The following TM6SF1 variants were observed in gnomAD, a reference collection of about 807,000 sequenced individuals.
TM6SF1 encodes transmembrane 6 superfamily member 1.
Under a neutral mutation model 47.1 loss-of-function variants are expected in TM6SF1, and 43 were observed. The observed-to-expected ratio is 0.91, with a 90% CI of 0.72 to 1.18. The LOEUF is 1.18. TM6SF1 is among the 50% of genes most tolerant of loss of function. TM6SF1 has a pLI of 0.00. For missense variants in TM6SF1, 390 were observed against 449.0 expected (o/e 0.87, Z 1.19); for synonymous variants, 177 against 166.3 (o/e 1.06, Z -0.49).
intron 6 of TM6SF1, 86 bp from the exon 7 acceptor site, chr15:83,124,586 T>A: frequency 9.9e-7 from 1 of 1,012,364 alleles, no homozygotes; most frequent in Middle Eastern, 2.1e-4. Flanking sequence ...AATTCTCTTA[T>A]CCATCATCAT....
In TM6SF1 at chr15:83,120,122, C is replaced by G. The variant is rs140701382; in HGVS notation, c.398+441C>G. On this transcript the variant is annotated intron_variant, in intron 4 of 9. Coordinates refer to ENST00000322019, the MANE Select transcript of TM6SF1 (RefSeq NM_023003.5). ...GCTTGTCCGTTCACTCCTCCTGTCT[C>G]ACTCTGCGGCTGGCCCCTTGGCAGT... is the stretch of plus-strand genomic sequence containing the variant. 3.0e-4 allele frequency: 52 copies of G among 173,886 alleles called. No individual in the cohort carries two copies. The East Asian group carries it at 6.5e-3, about 22-fold the overall frequency. The allele number at this position is 173,886 out of a possible 1,614,324, so 10.8% of individuals were successfully genotyped here.
intron 3 of TM6SF1, 40 bp downstream of exon 3, chr15:83,115,982 G>C (rs780168037): frequency 6.8e-7 from 1 of 1,463,252 alleles, no homozygotes; most frequent in African/African-American, 1.4e-5. Context: ...TCAACCAAAA[G>C]GCCACAACCC....
At chr15:83,122,670 G>A (rs968712547) in intron 5 of TM6SF1, 87 bp from the exon 6 acceptor site, 4 of 1,484,172 alleles carry the variant, frequency 2.7e-6, no homozygotes, top group Non-Finnish European at 3.6e-6. Context: ...CAAAATTTTA[G>A]ATGACCTGAG....
At chr15:83,112,711 G>A in intron 1 of TM6SF1, 86 bp from the exon 2 acceptor site, 1 of 926,092 alleles carries the variant, frequency 1.1e-6, no homozygotes. Context: ...GCAGCACTAG[G>A]AGGGAATGCA....
chr15:83,112,801 T>C lies in TM6SF1; in HGVS notation c.97T>C (p.Trp33Arg). The C allele has an allele frequency of 6.2e-7, 1 of 1,613,730 alleles. No homozygotes were observed. The change falls in exon 2 of 10, where the codon TGG becomes CGG. Residue 33 changes from tryptophan to arginine, a missense_variant. By Grantham distance (101) the Trp-to-Arg change is moderately radical. Coordinates refer to ENST00000322019, the MANE Select transcript of TM6SF1 (RefSeq NM_023003.5). The part of the protein sequence containing the change: ...FNHLAAQHDS[W>R]TIVGVAALIL... The stretch of plus-strand genomic sequence containing the variant: ...TCCCTGTTCTGGTCGTTGCAGTTCC[T>C]GGACTATTGTAGGGGTTGCTGCCCT...
chr15:83,127,731 G>T (rs1196465057), intron 9 of TM6SF1: 2 of 370,948 alleles, frequency 5.4e-6, no homozygotes, highest in Non-Finnish European at 9.8e-6. Context: ...TAAATGATTT[G>T]CCCAAGGTTA....
Position 83,113,313 on chromosome 15 carries a change from C to A in TM6SF1, c.196+413C>A, listed in dbSNP as rs8041022. 5 of 207,360 alleles carry A rather than the reference C, an allele frequency of 2.4e-5. No homozygotes were observed. The Admixed American group carries it at 2.6e-4, about 11-fold the overall frequency. 12.8% of individuals were successfully genotyped at this position (207,360 alleles called of 1,614,324 possible). On this transcript the variant is annotated intron_variant, in intron 2 of 9. Transcript: ENST00000322019. ...ATGCATGAAGAGGAAAATAATGGAA[C>A]CTGCCATAGAGACAAGCACCTATAG...
chr15:83,112,724 C>A, intron 1 of TM6SF1, 73 bp from the exon 2 acceptor site: 1 of 1,087,804 alleles, frequency 9.2e-7, no homozygotes, highest in Non-Finnish European at 1.4e-6. Flanking sequence ...GGAATGCATT[C>A]AATAGTCAGG....
rs78080430 is a variant in TM6SF1, at chr15:83,126,259, A to G, written c.709-496A>G. Among the ~76,000 whole-genome samples the G allele has an allele frequency of 1.1e-4, 17 of 152,284 alleles. No individual in the cohort carries two copies. In the East Asian group the frequency reaches 3.1e-3, roughly 28 times the overall value. On this transcript the variant is annotated intron_variant, in intron 7 of 9. Transcript: ENST00000322019. ...CAGAGGGGACCTAGTAAAGTGCCAAAAAGACTTTCCAGCAAGAGGACCCTG... is the reference window on the plus strand; with the variant it reads ...CAGAGGGGACCTAGTAAAGTGCCAAGAAGACTTTCCAGCAAGAGGACCCTG...
chr15:83,119,916 T>C (rs1306588291), intron 4 of TM6SF1: 4 of 437,502 alleles, frequency 9.1e-6, no homozygotes, highest in Non-Finnish European at 1.2e-5. Context: ...TTAAGCTTTC[T>C]GATTATGTTG....
chr15:83,118,266 TACAG>T lies in TM6SF1; in HGVS notation c.295-1310_295-1307del, dbSNP rs1567138980. Reference sequence around the variant, plus strand: ...ACACACACACACACACACACACACATACAGAGAGAGCAAGAGAGAGAGAGGCAAG... The same window carrying T: ...ACACACACACACACACACACACACATAGAGAGCAAGAGAGAGAGAGGCAAG... On this transcript the variant is annotated intron_variant, in intron 3 of 9. Coordinates refer to ENST00000322019, the MANE Select transcript of TM6SF1 (RefSeq NM_023003.5). Among the ~76,000 whole-genome samples the T allele has an allele frequency of 4.9e-5, 7 of 141,478 alleles. No homozygotes were observed. The South Asian group carries it at 1.4e-3, about 28-fold the overall frequency. 92.8% of individuals were successfully genotyped at this position (141,478 alleles called of 152,430 possible).
chr15:83,125,216 G>A (rs891244100), intron 7 of TM6SF1, among the ~76,000 whole-genome samples: 3 of 152,190 alleles, frequency 2.0e-5, no homozygotes, highest in Non-Finnish European at 4.4e-5. Context: ...CGTGTATGTA[G>A]GGTCATGGGA....
Position 83,112,830 on chromosome 15 carries a change from C to T in TM6SF1, c.126C>T (p.Ile42=), listed in dbSNP as rs1029180357. Residue 42 remains isoleucine, a synonymous_variant, in exon 2 of 10, where the codon ATC becomes ATT. Transcript: ENST00000322019. ...CTATTGTAGGGGTTGCTGCCCTCAT[C>T]CTGTTCCTGGTAGCACTGCTGGCTC... ...SWTIVGVAAL[I]LFLVALLARV... is the part of the protein sequence containing the mutation. 1.2e-6 allele frequency: 2 copies of T among 1,614,040 alleles called. No individual in the cohort carries two copies. The highest frequency in any genetic ancestry group is 1.7e-6 in the Non-Finnish European group (2 of 1,180,010).
chr15:83,108,875 C>T (rs183884731), intron 1 of TM6SF1, among the ~76,000 whole-genome samples: 4 of 152,322 alleles, frequency 2.6e-5, no homozygotes, highest in Admixed American at 2.6e-4. Context: ...CAGTGTCTAC[C>T]CTTGGTCTGG....
chr15:83,131,334 G>GCGCCTGGCC (rs2036231712), intron 9 of TM6SF1: 2 of 151,980 alleles, frequency 1.3e-5, no homozygotes, highest in Admixed American at 1.3e-4. Context: ...GCCAATGGAA[G>GCGCCTGGCC]AAATATTGAG....
chr15:83,122,061 T>C, intron 5 of TM6SF1, 58 bp downstream of exon 5: 1 of 1,320,748 alleles, frequency 7.6e-7, no homozygotes, highest in Non-Finnish European at 1.1e-6. Context: ...GGCTTGTTTT[T>C]AAATAGAGAA....
chr15:83,111,133 A>G (rs1439540276), intron 1 of TM6SF1, among the ~76,000 whole-genome samples: 1 of 152,090 alleles, frequency 6.6e-6, no homozygotes, highest in Non-Finnish European at 1.5e-5. Flanking sequence ...CGACCTCCCA[A>G]AGTGCTTGGA....
At chr15:83,111,471 T>C in intron 1 of TM6SF1, 2 of 216,854 alleles carry the variant, frequency 9.2e-6, no homozygotes, top group Non-Finnish European at 1.6e-5. Context: ...TCATCCATCA[T>C]CCATCCAACC....
intron 9 of TM6SF1, chr15:83,132,908 CA>C (rs2036352668): frequency 6.6e-6 from 1 of 152,170 alleles, no homozygotes; most frequent in Admixed American, 6.5e-5. Context: ...GAGACACTCA[CA>C]GTAAAAAGGT....
Sources: allele counts gnomAD v4.1 joint callset (sites outside exome capture counted in the v4.1 genomes callset), GRCh38; gene constraint gnomAD v4.1.1; transcripts MANE v1.5; gene names NCBI Gene and HGNC (gene_info 2026-07-23, HGNC 2026-07-21).